Variants in NPLOC4 observed in about 807,000 individuals in gnomAD.
NPLOC4 encodes NPL4 homolog, ubiquitin recognition factor, also known as nuclear protein localization protein 4 homolog.
NPLOC4 carries 18 observed loss-of-function variants against 80.6 expected under a neutral mutation model. The ratio of observed to expected loss-of-function variants is 0.22; its 90% CI spans 0.15 to 0.33. The LOEUF (loss-of-function observed/expected upper bound fraction) is 0.33, where lower values mean the gene tolerates loss of function less well. NPLOC4 is among the 10% of genes least tolerant of loss of function. The pLI, the probability that NPLOC4 is intolerant of heterozygous loss-of-function variation, is 1.00. For missense variants in NPLOC4, 540 were observed against 786.1 expected (o/e 0.69, Z 3.74); for synonymous variants, 313 against 301.5 (o/e 1.04, Z -0.39).
intron 9 of NPLOC4, among the ~76,000 whole-genome samples, chr17:81,599,822 C>T (rs1391747767): frequency 6.6e-5 from 10 of 152,210 alleles, no homozygotes; most frequent in African/African-American, 2.4e-4. Context: ...GAATTGTAGG[C>T]TCAGAGAGCT....
At chr17:81,621,537 C>T (rs911210816) in intron 3 of NPLOC4, among the ~76,000 whole-genome samples, 1 of 152,146 alleles carries the variant, frequency 6.6e-6, no homozygotes, top group African/African-American at 2.4e-5. Flanking sequence ...TGAGTAAGTG[C>T]CCAGATGGTT....
At chr17:81,617,265 A>ATCTTC (rs1447080013) in intron 3 of NPLOC4, among the ~76,000 whole-genome samples, 1 of 152,198 alleles carries the variant, frequency 6.6e-6, no homozygotes, top group African/African-American at 2.4e-5. Flanking sequence ...AAAAAAAATC[A>ATCTTC]GATTACGTAT....
chr17:81,629,679 A>G, intron 2 of NPLOC4, 46 bp downstream of exon 2: 1 of 1,341,058 alleles, frequency 7.5e-7, no homozygotes, highest in South Asian at 1.2e-5. Flanking sequence ...CAGTAAGAGT[A>G]GAGGATGAAA....
At chr17:81,624,760 C>G (rs2035755133) in intron 2 of NPLOC4, among the ~76,000 whole-genome samples, 1 of 152,198 alleles carries the variant, frequency 6.6e-6, no homozygotes, top group Non-Finnish European at 1.5e-5. Context: ...TTCAGCTGAG[C>G]AGGGCCCACC....
In NPLOC4 at chr17:81,567,903, C is replaced by G. The variant is rs7217444; in HGVS notation, c.1450-370G>C. 3,651 of 191,668 alleles carry G rather than the reference C, an allele frequency of 0.019. 139 individuals are homozygous for G. The highest frequency in any genetic ancestry group is 0.081 in the African/African-American group (3,437 of 42,488). 11.9% of individuals were successfully genotyped at this position (191,668 alleles called of 1,614,324 possible). A position where few individuals can be genotyped will look rare whatever the true frequency, so the allele number is the denominator to read the frequency against. On this transcript the variant is annotated intron_variant, in intron 14 of 16. Transcript: ENST00000331134. This position sits in a 1 kb window ranked among gnomAD's most constrained non-coding sequence, Gnocchi z 4.5. The stretch of plus-strand genomic sequence containing the variant: ...CCAGTCTGGCCAACATGGCGAAACC[C>G]CGTCTCTACTAAAAATACAAAAAAA...
chr17:81,628,571 C>A (rs1047920314), intron 2 of NPLOC4, among the ~76,000 whole-genome samples: 2 of 151,854 alleles, frequency 1.3e-5, no homozygotes, highest in Non-Finnish European at 2.9e-5. Flanking sequence ...ATTTTCAGGT[C>A]AAAAAAACCC....
intron 12 of NPLOC4, among the ~76,000 whole-genome samples, chr17:81,576,117 C>A (rs1283264908): frequency 6.6e-6 from 1 of 152,194 alleles, no homozygotes; most frequent in Non-Finnish European, 1.5e-5. Flanking sequence ...ACACAGATAC[C>A]TTGTTTTACA....
chr17:81,602,932 C>CATATATATATATACACACACACAT (rs150169696), intron 8 of NPLOC4, among the ~76,000 whole-genome samples: 2 of 143,076 alleles, frequency 1.4e-5, no homozygotes, highest in African/African-American at 5.4e-5. Flanking sequence ...TACACACACA[C>CATATATATATATACACACACACAT]ATATATATAT....
At chr17:81,589,237 T>C (rs939567271) in intron 11 of NPLOC4, 133 bp from the exon 12 acceptor site, 4 of 760,100 alleles carry the variant, frequency 5.3e-6, no homozygotes, top group Non-Finnish European at 8.2e-6. Context: ...AGTTAAAAAA[T>C]GTTCAGTAGT....
intron 2 of NPLOC4, among the ~76,000 whole-genome samples, chr17:81,626,548 G>A (rs555360420): frequency 6.6e-5 from 10 of 152,226 alleles, no homozygotes; most frequent in Non-Finnish European, 1.0e-4. Context: ...AGCTTCAAAT[G>A]CTCAACAGGA....
chr17:81,604,923 A>G (rs1379011780), intron 7 of NPLOC4, among the ~76,000 whole-genome samples, 196 bp from the exon 8 acceptor site: 2 of 152,122 alleles, frequency 1.3e-5, no homozygotes, highest in African/African-American at 4.8e-5. Flanking sequence ...CCAGGAGTTC[A>G]AGTCCAGCCT....
chr17:81,629,170 G>A (rs1598693177), intron 2 of NPLOC4, among the ~76,000 whole-genome samples: 2 of 147,058 alleles, frequency 1.4e-5, no homozygotes, highest in South Asian at 2.2e-4. Context: ...CAGCCACTGC[G>A]CCTGGCCACT....
intron 3 of NPLOC4, chr17:81,614,296 A>AAAAAAAT (rs2035422282): frequency 6.6e-6 from 1 of 150,676 alleles, no homozygotes; most frequent in African/African-American, 2.4e-5. Context: ...AAAAAAAAAA[A>AAAAAAAT]GTGGGATTAC....
chr17:81,636,585 A>T (rs2036081922), intron 1 of NPLOC4: 1 of 248,836 alleles, frequency 4.0e-6, no homozygotes, highest in African/African-American at 2.2e-5. Flanking sequence ...GAATTAGACC[A>T]GGAAGTCTCC....
At chr17:81,632,404 C>T (rs1480405176) in intron 1 of NPLOC4, among the ~76,000 whole-genome samples, 1 of 151,526 alleles carries the variant, frequency 6.6e-6, no homozygotes, top group African/African-American at 2.4e-5. Context: ...CCTCTGCCTC[C>T]CCGGTTCAAG....
chr17:81,591,989 C>G (rs2034760921), intron 11 of NPLOC4, among the ~76,000 whole-genome samples: 1 of 152,186 alleles, frequency 6.6e-6, no homozygotes, highest in Non-Finnish European at 1.5e-5. Context: ...CCACAGGGAC[C>G]CTCAGGGTCA....
intron 8 of NPLOC4, among the ~76,000 whole-genome samples, chr17:81,603,802 C>T (rs780775919): frequency 2.6e-5 from 4 of 152,138 alleles, no homozygotes; most frequent in Non-Finnish European, 5.9e-5. Context: ...CTAAATAGTA[C>T]AGCATGCATA....
At chr17:81,613,191 G>T in intron 4 of NPLOC4, 127 bp downstream of exon 4, 1 of 754,942 alleles carries the variant, frequency 1.3e-6, no homozygotes, top group Non-Finnish European at 1.9e-6. Context: ...TCTGAAGATA[G>T]TAAAACTTAA....
chr17:81,616,939 G>A (rs144637953), intron 3 of NPLOC4, among the ~76,000 whole-genome samples: 3 of 152,212 alleles, frequency 2.0e-5, no homozygotes, highest in Non-Finnish European at 4.4e-5. Flanking sequence ...CTAGGACATG[G>A]AAGTGGCAGG....
Sources: allele counts gnomAD v4.1 joint callset (sites outside exome capture counted in the v4.1 genomes callset), GRCh38; gene constraint gnomAD v4.1.1; non-coding constraint Gnocchi (gnomAD v3.1); transcripts MANE v1.5; gene names NCBI Gene and HGNC (gene_info 2026-07-23, HGNC 2026-07-21).